The following SRGAP2 variants were observed in gnomAD, a reference collection of about 807,000 sequenced individuals.
SRGAP2 encodes the protein SLIT-ROBO Rho GTPase activating protein 2, also known as SLIT-ROBO Rho GTPase-activating protein 2.
In SRGAP2, 15 loss-of-function variants were observed where a neutral mutation model predicts 57.2. The ratio of observed to expected loss-of-function variants is 0.26; its 90% confidence interval spans 0.18 to 0.40. The LOEUF is 0.40. Among genes scored for constraint, SRGAP2 ranks in the 10% least tolerant of loss-of-function variants. SRGAP2 has a pLI of 1.00. For synonymous variants in SRGAP2, 249 were observed against 248.0 expected, an observed-to-expected ratio of 1.00 and a Z score of -0.04; for missense variants, 520 against 669.6, an observed-to-expected ratio of 0.78 and a Z score of 2.47.
At chr1:206,459,398 T>C (rs1369226852) in intron 22 of SRGAP2, among the ~76,000 whole-genome samples, 2 of 152,302 alleles carry the variant, frequency 1.3e-5, no homozygotes, top group Non-Finnish European at 2.9e-5. Context: ...AATGGGTAGA[T>C]GATCAATTAA....
intron 4 of SRGAP2, among the ~76,000 whole-genome samples, chr1:206,355,591 C>T (rs539495180): frequency 6.6e-6 from 1 of 152,242 alleles, no homozygotes; most frequent in Non-Finnish European, 1.5e-5. Context: ...TTCAGTCATT[C>T]GTCTGATAAT....
chr1:206,447,165 C>T (rs1220177034), intron 18 of SRGAP2, among the ~76,000 whole-genome samples: 3 of 151,960 alleles, frequency 2.0e-5, no homozygotes, highest in Non-Finnish European at 2.9e-5. Flanking sequence ...TAATCCCTAA[C>T]GTCCCTTACC....
At chr1:206,303,128 C>T (rs1287697526) in intron 2 of SRGAP2, among the ~76,000 whole-genome samples, 153 bp from the exon 3 acceptor site, 1 of 136,498 alleles carries the variant, frequency 7.3e-6, no homozygotes, top group Non-Finnish European at 1.5e-5. Context: ...GCCTCACATC[C>T]TATGGCCAGT....
chr1:206,281,276 T>A (rs1670720685), intron 2 of SRGAP2, among the ~76,000 whole-genome samples: 1 of 143,644 alleles, frequency 7.0e-6, no homozygotes, highest in South Asian at 2.1e-4. Context: ...AATAAAGAAC[T>A]GGGATATGGG....
intron 2 of SRGAP2, among the ~76,000 whole-genome samples, chr1:206,227,559 T>C (rs1282060607): frequency 1.3e-5 from 2 of 151,074 alleles, no homozygotes; most frequent in East Asian, 4.0e-4. Flanking sequence ...TCCCTGTATC[T>C]TCCTTTCAAG....
Position 206,289,497 on chromosome 1 carries a change from T to C in SRGAP2, c.68-13784T>C, listed in dbSNP as rs1348977126. On this transcript the variant is annotated intron_variant, in intron 2 of 22. Coordinates refer to ENST00000573034, the MANE Select transcript of SRGAP2 (RefSeq NM_015326.5). ...TTTCACTGTGTTAGCCAGGATGGTC[T>C]CGATCTCCTGACCTCGTGGTCCGCC... Among the ~76,000 whole-genome samples, 10 of 152,154 alleles carry C rather than the reference T, an allele frequency of 6.6e-5. 1 individual carries two copies. Among genetic ancestry groups the C allele is most frequent in the African/African-American group, 2.4e-4 (10 of 41,550 alleles).
chr1:206,459,064 T>TGAGTATATACA (rs1323225031), intron 22 of SRGAP2, 117 bp downstream of exon 22: 2 of 623,274 alleles, frequency 3.2e-6, no homozygotes, highest in Non-Finnish European at 5.9e-6. Context: ...TGTGATATAC[T>TGAGTATATACA]GAGTATATGT....
rs573885807 is a variant in SRGAP2 at position 206,427,135 on chromosome 1, G to T, written c.1495-3027G>T. ...TGAAGTCTTTAATCCATTTTGATTT[G>T]TTTTTCTATATGGTGAGAGATAGGA... On this transcript the variant is annotated intron_variant, in intron 13 of 22. Coordinates refer to ENST00000573034, the MANE Select transcript of SRGAP2 (RefSeq NM_015326.5). Among the ~76,000 whole-genome samples the T allele has an allele frequency of 1.8e-3, 273 of 151,734 alleles. 1 individual carries two copies. Among genetic ancestry groups the T allele is most frequent in the African/African-American group, 6.3e-3 (260 of 41,352 alleles).
intron 4 of SRGAP2, among the ~76,000 whole-genome samples, chr1:206,366,314 C>T (rs1373458961): frequency 6.6e-6 from 1 of 152,226 alleles, no homozygotes; most frequent in Non-Finnish European, 1.5e-5. Context: ...GAGTCCACCC[C>T]ATCTACAAGC....
In SRGAP2 at chr1:206,203,670, T is replaced by C; in HGVS notation, c.-543+20T>C. ...AGCCAGGTAAAGGCTCCTTCCCTCT[T>C]CCTTTTCTTCCTCCCGGCCGCCGGG... On this transcript the variant is annotated intron_variant, in intron 1 of 22. Coordinates refer to ENST00000573034, the MANE Select transcript of SRGAP2 (RefSeq NM_015326.5). The C allele has an allele frequency of 1.5e-6, 1 of 670,240 alleles. No individual in the cohort carries two copies. Among genetic ancestry groups the C allele is most frequent in the Non-Finnish European group, 2.6e-6 (1 of 387,716 alleles). The allele number at this position is 670,240 out of a possible 1,614,324, so 41.5% of individuals were successfully genotyped here. A position where few individuals can be genotyped will look rare whatever the true frequency, so the allele number is the denominator to read the frequency against.
chr1:206,437,824 C>T, intron 15 of SRGAP2, 140 bp from the exon 16 acceptor site: 1 of 680,438 alleles, frequency 1.5e-6, no homozygotes, highest in Non-Finnish European at 2.7e-6. Flanking sequence ...CTGGTCTGTC[C>T]CACTCATGGC....
chr1:206,341,997 CA>C (rs1179718649), intron 3 of SRGAP2, among the ~76,000 whole-genome samples: 14 of 145,588 alleles, frequency 9.6e-5, no homozygotes, highest in South Asian at 6.6e-4. Flanking sequence ...GACTTTGTCT[CA>C]AAAAAAAAAG....
At chr1:206,260,520 A>C (rs1669486191) in intron 2 of SRGAP2, among the ~76,000 whole-genome samples, 1 of 152,018 alleles carries the variant, frequency 6.6e-6, no homozygotes, top group South Asian at 2.1e-4. Context: ...TCTTTATGTA[A>C]ATAAAAGGAG....
chr1:206,435,314 A>C (rs375829378), intron 14 of SRGAP2, among the ~76,000 whole-genome samples: 2 of 152,164 alleles, frequency 1.3e-5, no homozygotes, highest in Non-Finnish European at 2.9e-5. Context: ...GCATTAGTCC[A>C]TTTTGTTTTC....
chr1:206,442,656 T>C (rs1662412064), intron 17 of SRGAP2, among the ~76,000 whole-genome samples: 1 of 152,222 alleles, frequency 6.6e-6, no homozygotes, highest in Non-Finnish European at 1.5e-5. Context: ...TGGGTTTTTT[T>C]CTGATTGAAA....
At chr1:206,345,254 G>T (rs1553336570) in intron 4 of SRGAP2, among the ~76,000 whole-genome samples, 1 of 37,546 alleles carries the variant, frequency 2.7e-5, no homozygotes, top group Non-Finnish European at 4.0e-5. Context: ...TTTTTGTTTG[G>T]TTTCTTTCAA....
chr1:206,303,888 TCACACACACACA>T (rs1172123806), intron 3 of SRGAP2, among the ~76,000 whole-genome samples: 7 of 138,462 alleles, frequency 5.1e-5, no homozygotes, highest in East Asian at 2.1e-4. Flanking sequence ...TCTCTCTCTC[TCACACACACACA>T]CACACACACA....
Position 206,461,623 on chromosome 1 carries a change from C to G in SRGAP2, c.*203C>G, listed in dbSNP as rs1449535227. On this transcript the variant is annotated 3_prime_UTR_variant, in exon 23 of 23. Coordinates refer to ENST00000573034, the MANE Select transcript of SRGAP2 (RefSeq NM_015326.5). Reference sequence around the variant, plus strand: ...CCTTCCCACTGCCCTCTGCTTCCCCCAGTCGTCGTAATTCAGCCAGCTGCA... The same window carrying G: ...CCTTCCCACTGCCCTCTGCTTCCCCGAGTCGTCGTAATTCAGCCAGCTGCA... 1 of 565,830 alleles carries G rather than the reference C, an allele frequency of 1.8e-6. No homozygotes were observed. The highest frequency in any genetic ancestry group is 3.1e-6 in the Non-Finnish European group (1 of 320,010). The allele number at this position is 565,830 out of a possible 1,614,324, so 35.1% of individuals were successfully genotyped here. A position where few individuals can be genotyped will look rare whatever the true frequency, so the allele number is the denominator to read the frequency against.
At position 206,446,273 on chromosome 1, in the gene SRGAP2, C is replaced by T. The variant is rs782694889; in HGVS notation, c.2073C>T (p.Ser691=). ...GGGAGCTGGAGGGCCCTGTCTACAG[C>T]AGAGGAGGAAGCATGGAGGATTACT... is the stretch of plus-strand genomic sequence containing the variant. ...SPRELEGPVY[S]RGGSMEDYCD... The change falls in exon 18 of 23, where the codon AGC becomes AGT. Residue 691 remains serine (S), a synonymous_variant. Coordinates refer to ENST00000573034, the MANE Select transcript of SRGAP2 (RefSeq NM_015326.5). The T allele has an allele frequency of 1.4e-5, 11 of 780,770 alleles. No homozygotes were observed. Among genetic ancestry groups the T allele is most frequent in the Non-Finnish European group, 2.2e-5 (9 of 418,000 alleles). The allele number at this position is 780,770 out of a possible 1,614,324, so 48.4% of individuals were successfully genotyped here.
Sources: gnomAD v4.1 joint callset for allele counts (sites outside exome capture counted in the v4.1 genomes callset) on GRCh38, gnomAD v4.1.1 for gene constraint, MANE v1.5 for transcripts, NCBI Gene and HGNC (gene_info 2026-07-23, HGNC 2026-07-21) for gene names.